The following CACNA2D4 variants were observed in gnomAD, a reference collection of about 807,000 sequenced individuals.
CACNA2D4 encodes the protein calcium voltage-gated channel auxiliary subunit alpha2delta 4.
Under a neutral mutation model 163.8 loss-of-function variants are expected in CACNA2D4, and 157 were observed. That is an observed-to-expected ratio of 0.96 (90% CI 0.84 to 1.09). The LOEUF is 1.09. Among genes scored for constraint, CACNA2D4 ranks in the 50% least tolerant of loss-of-function variants. The pLI is 0.00. For synonymous variants in CACNA2D4, 598 were observed against 586.9 expected (o/e 1.02, Z -0.27); for missense variants, 1,410 against 1,479.9 (o/e 0.95, Z 0.78).
rs1385478881 is a variant in CACNA2D4 at position 1,793,399 on chromosome 12, G to T, written c.*256C>A. Reference sequence around the variant, plus strand: ...CCCGAAGAGGAGACAGGAAGGTTAGGTCAGAAGTATGCTCATGTTGAGACC... The same window carrying T: ...CCCGAAGAGGAGACAGGAAGGTTAGTTCAGAAGTATGCTCATGTTGAGACC... On this transcript the variant is annotated 3_prime_UTR_variant, in exon 38 of 38. Coordinates refer to ENST00000382722, the MANE Select transcript of CACNA2D4 (RefSeq NM_172364.5). 1 of 567,758 alleles carries T rather than the reference G, an allele frequency of 1.8e-6. No homozygotes were observed. Among genetic ancestry groups the T allele is most frequent in the East Asian group, 2.9e-5 (1 of 34,584 alleles). The allele number at this position is 567,758 out of a possible 1,614,324, so 35.2% of individuals were successfully genotyped here.
At chr12:1,909,423 T>C (rs1866759285) in intron 4 of CACNA2D4, among the ~76,000 whole-genome samples, 1 of 152,226 alleles carries the variant, frequency 6.6e-6, no homozygotes, top group Non-Finnish European at 1.5e-5. Context: ...CTCGATCTCC[T>C]GACCTTGTGA....
chr12:1,798,130 G>A lies in CACNA2D4; in HGVS notation c.2996-595C>T, dbSNP rs1336149787. 6.6e-6 allele frequency among the ~76,000 whole-genome samples: 1 copy of A among 152,222 alleles called. No homozygotes were observed. The highest frequency in any genetic ancestry group is 1.9e-4 in the East Asian group (1 of 5,194). On this transcript the variant is annotated intron_variant, in intron 34 of 37. Coordinates refer to ENST00000382722, the MANE Select transcript of CACNA2D4 (RefSeq NM_172364.5). The surrounding 1 kb of genome is among the most constrained non-coding windows in gnomAD (Gnocchi z 4.3). The stretch of plus-strand genomic sequence containing the variant: ...CCCGGTGCGGGACTCCTCGGGGGCT[G>A]CGCGATTTGCCTTAGCTCCCTGGGA...
rs371792930 is a variant in CACNA2D4 at position 1,886,324 on chromosome 12, C to T, written c.892G>A (p.Val298Met). Residue 298 changes from valine (V) to methionine (M), a missense_variant, in exon 8 of 38, where the codon GTG becomes ATG. Physicochemically the swap from Val to Met is conservative, Grantham distance 21. Transcript: ENST00000382722. ...CTCAGCCCCTTCATACTGCCGCTCA[C>T]GTCCACCAAAATCACTATGTCCTTG... ...SPKDIVILVD[V>M]SGSMKGLRMT... The T allele has an allele frequency of 9.8e-5, 158 of 1,613,886 alleles. No individual in the cohort carries two copies. The highest frequency in any genetic ancestry group is 1.2e-4 in the Non-Finnish European group (143 of 1,179,802).
chr12:1,887,973 G>C (rs1055860343), intron 6 of CACNA2D4, among the ~76,000 whole-genome samples: 3 of 152,160 alleles, frequency 2.0e-5, no homozygotes, highest in Non-Finnish European at 4.4e-5. Flanking sequence ...AGGAGAGGTT[G>C]TCAGAGACCA....
chr12:1,886,476 C>T (rs1259615171), intron 7 of CACNA2D4, 103 bp from the exon 8 acceptor site: 1 of 1,122,822 alleles, frequency 8.9e-7, no homozygotes, highest in African/African-American at 1.6e-5. Context: ...TGGCTCGAGC[C>T]CACCCAAAGT....
intron 18 of CACNA2D4, among the ~76,000 whole-genome samples, chr12:1,872,558 A>G (rs1865808753): frequency 6.6e-6 from 1 of 152,162 alleles, no homozygotes; most frequent in African/African-American, 2.4e-5. Flanking sequence ...GCTGAGAGGG[A>G]GGGCTGGGAT....
chr12:1,795,770 C>T lies in CACNA2D4; in HGVS notation c.3124G>A (p.Val1042Met). ...AGGTTACTGTTGGGAATCTGCTGCA[C>T]CACAAATACCCTGCAGCAAAGAAAG... Reference protein sequence around the residue: ...ECGPCQKVFVVQQIPNSNLLL... With the variant: ...ECGPCQKVFVMQQIPNSNLLL... The change falls in exon 36 of 38, where the codon GTG (valine) becomes ATG (methionine). Residue 1042 changes from valine to methionine, a missense_variant. Transcript: ENST00000382722. 3.7e-6 allele frequency: 6 copies of T among 1,604,554 alleles called. No homozygotes were observed. The highest frequency in any genetic ancestry group is 5.1e-6 in the Non-Finnish European group (6 of 1,171,344).
intron 26 of CACNA2D4, chr12:1,836,141 A>C (rs1864850242): frequency 6.6e-6 from 1 of 152,484 alleles, no homozygotes; most frequent in African/African-American, 2.4e-5. Context: ...AGCCGGGGCC[A>C]AACCAGAGAG....
chr12:1,818,749 A>G (rs1863973714), intron 26 of CACNA2D4, among the ~76,000 whole-genome samples: 1 of 145,688 alleles, frequency 6.9e-6, no homozygotes, highest in Non-Finnish European at 1.5e-5. Flanking sequence ...TCTGCGAGAA[A>G]CACCCAAGAA....
rs1866904742 is a variant in CACNA2D4 at position 1,914,246 on chromosome 12, T to C, written c.309+608A>G. 2.0e-5 allele frequency among the ~76,000 whole-genome samples: 3 copies of C among 152,164 alleles called. No homozygotes were observed. The South Asian group carries it at 6.2e-4, about 31-fold the overall frequency. ...TGAAGCTCTTAGTGAGTGGCAATGATAGAGAAGGGTGAGCTGCCATTGGAA... is the reference window on the plus strand; with the variant it reads ...TGAAGCTCTTAGTGAGTGGCAATGACAGAGAAGGGTGAGCTGCCATTGGAA... On this transcript the variant is annotated intron_variant, in intron 2 of 37. Transcript: ENST00000382722.
At chr12:1,909,836 G>T in intron 4 of CACNA2D4, 70 bp downstream of exon 4, 1 of 1,387,748 alleles carries the variant, frequency 7.2e-7, no homozygotes. Context: ...GCCACCCTAT[G>T]CCGCCACCCC....
intron 35 of CACNA2D4, among the ~76,000 whole-genome samples, chr12:1,796,992 T>C (rs1444126087): frequency 1.3e-5 from 2 of 152,182 alleles, no homozygotes; most frequent in East Asian, 1.9e-4. Context: ...TCACACTCCC[T>C]CTGCCTTCCA....
At position 1,907,439 on chromosome 12, in the gene CACNA2D4, C is replaced by T; in HGVS notation, c.781+1G>A. On this transcript the variant is annotated splice_donor_variant, in intron 6 of 37. Transcript: ENST00000382722. LOFTEE classifies it high-confidence loss of function. Reference sequence around the variant, plus strand: ...GGGGAGATGCAACTCCATGTCCTTACCTGGATAGATCCTGAAGAATCCAGT... The same window carrying T: ...GGGGAGATGCAACTCCATGTCCTTATCTGGATAGATCCTGAAGAATCCAGT... 5 of 1,613,718 alleles carry T rather than the reference C, an allele frequency of 3.1e-6. No homozygotes were observed. In the South Asian group the frequency reaches 5.5e-5, roughly 18 times the overall value.
intron 26 of CACNA2D4, among the ~76,000 whole-genome samples, chr12:1,826,952 C>T (rs1415271383): frequency 6.6e-6 from 1 of 152,248 alleles, no homozygotes; most frequent in Non-Finnish European, 1.5e-5. Context: ...GTCTCCTGGG[C>T]TCCCAGAATT....
intron 29 of CACNA2D4, among the ~76,000 whole-genome samples, chr12:1,807,752 G>T (rs1258800591): frequency 2.6e-5 from 4 of 152,046 alleles, no homozygotes; most frequent in Non-Finnish European, 5.9e-5. Flanking sequence ...CACAGTTCAG[G>T]CTGCATGGTC....
At chr12:1,845,454 C>G (rs111831477) in intron 24 of CACNA2D4, among the ~76,000 whole-genome samples, 3,519 of 152,286 alleles carry the variant, frequency 0.023, 68 homozygotes, top group Non-Finnish European at 0.032. Context: ...CCTAGAAAGC[C>G]TCAGCTTTGC....
rs988821839 is a variant in CACNA2D4, at chr12:1,879,010, C to G, written c.1590G>C (p.Val530=). 1 of 1,613,870 alleles carries G rather than the reference C, an allele frequency of 6.2e-7. No individual in the cohort carries two copies. Among genetic ancestry groups the G allele is most frequent in the East Asian group, 2.2e-5 (1 of 44,874 alleles). ...ETRSHGILLG[V]VGSDVALREL... ...CTCTCAGGGCCACATCTGAGCCCACCACACCCAGGAGAATGCCATGGGATC... is the reference window on the plus strand; with the variant it reads ...CTCTCAGGGCCACATCTGAGCCCACGACACCCAGGAGAATGCCATGGGATC... The change falls in exon 15 of 38, where the codon GTG becomes GTC. Residue 530 remains valine, a synonymous_variant. Coordinates refer to ENST00000382722, the MANE Select transcript of CACNA2D4 (RefSeq NM_172364.5).
chr12:1,897,759 C>A lies in CACNA2D4; in HGVS notation c.781+9681G>T, dbSNP rs554278345. 9.9e-5 allele frequency among the ~76,000 whole-genome samples: 15 copies of A among 152,128 alleles called. No individual in the cohort carries two copies. The East Asian group carries it at 2.1e-3, about 21-fold the overall frequency. On this transcript the variant is annotated intron_variant, in intron 6 of 37. Coordinates refer to ENST00000382722, the MANE Select transcript of CACNA2D4 (RefSeq NM_172364.5). ...CTGGTGTCACTCTATGACTATCAGA[C>A]AAAATACACATTAAAATAAAAAGTG... is the stretch of plus-strand genomic sequence containing the variant.
chr12:1,830,951 C>A, intron 26 of CACNA2D4: 1 of 1,601,990 alleles, frequency 6.2e-7, no homozygotes, highest in Non-Finnish European at 8.5e-7. Flanking sequence ...CCTGCTGGAT[C>A]GCCCTGTATG....
Sources: gnomAD v4.1 joint callset for allele counts (sites outside exome capture counted in the v4.1 genomes callset) on GRCh38, gnomAD v4.1.1 for gene constraint, Gnocchi (gnomAD v3.1) non-coding constraint, MANE v1.5 for transcripts, NCBI Gene and HGNC (gene_info 2026-07-23, HGNC 2026-07-21) for gene names.